The following PHF20 variants were observed in gnomAD, a reference collection of about 807,000 sequenced individuals.
PHF20 encodes the protein glioma-expressed antigen 2.
A neutral mutation model predicts 113.5 loss-of-function variants in PHF20; 23 were observed. The ratio of observed to expected loss-of-function variants is 0.20; its 90% CI spans 0.15 to 0.29. The LOEUF (loss-of-function observed/expected upper bound fraction) is 0.29. Among genes scored for constraint, PHF20 ranks in the 10% least tolerant of loss-of-function variants. The probability of loss-of-function intolerance (pLI) is 1.00; values close to 1 mark genes in which losing one functional copy is unlikely to be tolerated. For synonymous variants in PHF20, 434 were observed against 457.3 expected (o/e 0.95, Z 0.65); for missense variants, 943 against 1,219.6 (o/e 0.77, Z 3.38).
At chr20:35,806,223 C>T (rs2041879079) in intron 2 of PHF20, among the ~76,000 whole-genome samples, 1 of 137,246 alleles carries the variant, frequency 7.3e-6, no homozygotes, top group African/African-American at 2.8e-5. Flanking sequence ...TGTAGTGGTG[C>T]AGTTACAACT....
At position 35,842,781 on chromosome 20, in the gene PHF20, G is replaced by C. The variant is rs750917729; in HGVS notation, c.255+37G>C. 10 of 1,581,918 alleles carry C rather than the reference G, an allele frequency of 6.3e-6. No homozygotes were observed. In the East Asian group the frequency reaches 2.2e-4, roughly 35 times the overall value. ...ATCTGGGAAGTTCTGTAGTATGCAAGGTCAGCCATTGGGCTGTTTGTGTTT... is the reference window on the plus strand; with the variant it reads ...ATCTGGGAAGTTCTGTAGTATGCAACGTCAGCCATTGGGCTGTTTGTGTTT... On this transcript the variant is annotated intron_variant, in intron 3 of 17. Coordinates refer to ENST00000374012, the MANE Select transcript of PHF20 (RefSeq NM_016436.5).
At position 35,836,187 on chromosome 20, in the gene PHF20, A is replaced by AC. The variant is rs1359111794; in HGVS notation, c.84-6385dup. On this transcript the variant is annotated intron_variant, in intron 2 of 17. Coordinates refer to ENST00000374012, the MANE Select transcript of PHF20 (RefSeq NM_016436.5). ...CTACTCATAGCAAATTTTTTTTTTA[A>AC]CTTTTTTTTTTTAGAGATGGGGTCT... Among the ~76,000 whole-genome samples the AC allele has an allele frequency of 3.3e-5, 5 of 150,828 alleles. No homozygotes were observed. In the East Asian group the frequency reaches 9.7e-4, roughly 29 times the overall value.
Position 35,940,975 on chromosome 20 carries a change from C to T in PHF20, c.2824C>T (p.Leu942=). 1 of 1,614,194 alleles carries T rather than the reference C, an allele frequency of 6.2e-7. No homozygotes were observed. The change falls in exon 17 of 18, where the codon CTG becomes TTG. Residue 942 remains leucine, a synonymous_variant. Transcript: ENST00000374012. ...LSSQHQWQFN[L]LTHVESLQDE... ...CTCCCAGCACCAGTGGCAGTTTAAC[C>T]TGCTGACCCATGTGGAATCTCTTCA...
intron 15 of PHF20, among the ~76,000 whole-genome samples, chr20:35,937,912 C>T (rs1323833319): frequency 6.6e-6 from 1 of 151,950 alleles, no homozygotes; most frequent in Non-Finnish European, 1.5e-5. Context: ...CTTGCTGTCG[C>T]CCAGGCTGGA....
At chr20:35,888,835 C>T (rs528848148) in intron 9 of PHF20, among the ~76,000 whole-genome samples, 2 of 151,248 alleles carry the variant, frequency 1.3e-5, no homozygotes, top group South Asian at 2.1e-4. Flanking sequence ...TGACAAGAAC[C>T]ATATTAGTAT....
At chr20:35,858,553 T>C (rs2042879590) in intron 5 of PHF20, among the ~76,000 whole-genome samples, 172 bp downstream of exon 5, 1 of 152,220 alleles carries the variant, frequency 6.6e-6, no homozygotes, top group African/African-American at 2.4e-5. Context: ...AATATTTGTC[T>C]CTTTGCTGTT....
At chr20:35,911,911 G>A (rs1235544764) in intron 10 of PHF20, among the ~76,000 whole-genome samples, 1 of 151,898 alleles carries the variant, frequency 6.6e-6, no homozygotes, top group Non-Finnish European at 1.5e-5. Flanking sequence ...CACCTGCCTT[G>A]GCCTCCCAAA....
rs770576683 is a variant in PHF20, at chr20:35,809,578, C to CA, written c.83+7988dup. Among the ~76,000 whole-genome samples the CA allele has an allele frequency of 8.9e-3, 886 of 99,686 alleles. 5 individuals are homozygous for CA. Among genetic ancestry groups the CA allele is most frequent in the African/African-American group, 0.025 (663 of 26,284 alleles). The allele number at this position is 99,686 out of a possible 152,430, so 65.4% of individuals were successfully genotyped here. ...TGGGTGACAGAGCAAGACTTTGTCT[C>CA]AAAAAAAAAAAAAAAGATAATCCAG... On this transcript the variant is annotated intron_variant, in intron 2 of 17. Transcript: ENST00000374012.
chr20:35,891,372 A>G (rs2054851878), intron 9 of PHF20, among the ~76,000 whole-genome samples: 1 of 140,470 alleles, frequency 7.1e-6, no homozygotes, highest in Non-Finnish European at 1.5e-5. Context: ...GAGAGACTCT[A>G]TGTCAAAAAA....
In PHF20 at chr20:35,925,508, C is replaced by T. The variant is rs1298871707; in HGVS notation, c.2005-2272C>T. 3.9e-5 allele frequency among the ~76,000 whole-genome samples: 6 copies of T among 152,092 alleles called. No individual in the cohort carries two copies. The East Asian group carries it at 1.2e-3, about 30-fold the overall frequency. ...TGAACTTCTGACCTTAAGTGATCCC[C>T]CCGCCTCGGCCTCCCAAAGTGCTGG... On this transcript the variant is annotated intron_variant, in intron 13 of 17. Coordinates refer to ENST00000374012, the MANE Select transcript of PHF20 (RefSeq NM_016436.5).
At chr20:35,854,643 A>T (rs1395158810) in intron 4 of PHF20, among the ~76,000 whole-genome samples, 26 of 152,312 alleles carry the variant, frequency 1.7e-4, no homozygotes, top group African/African-American at 6.3e-4. Flanking sequence ...TTGGAAGTTA[A>T]AAGGATCAAA....
At chr20:35,831,142 T>A (rs1319946746) in intron 2 of PHF20, among the ~76,000 whole-genome samples, 1 of 148,364 alleles carries the variant, frequency 6.7e-6, no homozygotes, top group Non-Finnish European at 1.5e-5. Flanking sequence ...CCTCCCTCTC[T>A]TCCTCCCTCC....
chr20:35,796,696 A>G (rs761840033), intron 1 of PHF20, among the ~76,000 whole-genome samples: 1 of 152,192 alleles, frequency 6.6e-6, no homozygotes, highest in Non-Finnish European at 1.5e-5. Context: ...CCTGTATTCA[A>G]GTTATGTTTA....
chr20:35,932,834 A>T (rs1469735747), intron 15 of PHF20, among the ~76,000 whole-genome samples: 6 of 152,150 alleles, frequency 3.9e-5, no homozygotes, highest in African/African-American at 1.4e-4. Flanking sequence ...TATACCCTTT[A>T]CCAACAGCTC....
intron 4 of PHF20, among the ~76,000 whole-genome samples, chr20:35,856,986 CTGGCGG>C (rs2042840178): frequency 1.3e-5 from 2 of 152,078 alleles, no homozygotes; most frequent in Non-Finnish European, 2.9e-5. Flanking sequence ...CTGTTGAGGA[CTGGCGG>C]TGGAGGGGTG....
chr20:35,803,253 G>GA (rs200855143), intron 2 of PHF20, among the ~76,000 whole-genome samples: 418 of 128,196 alleles, frequency 3.3e-3, no homozygotes, highest in East Asian at 0.011. Context: ...CTCCGTCCCG[G>GA]AAAAAAAAAA....
chr20:35,943,577 A>AT (rs2056030407), intron 17 of PHF20, among the ~76,000 whole-genome samples: 1 of 149,964 alleles, frequency 6.7e-6, no homozygotes, highest in South Asian at 2.1e-4. Flanking sequence ...ATTGGCCATT[A>AT]TTTAATTATT....
intron 12 of PHF20, among the ~76,000 whole-genome samples, chr20:35,915,210 C>G (rs2055381280): frequency 6.6e-6 from 1 of 150,380 alleles, no homozygotes; most frequent in South Asian, 2.1e-4. Flanking sequence ...GTGTGTCCTG[C>G]TACAGGATGG....
intron 2 of PHF20, among the ~76,000 whole-genome samples, chr20:35,804,778 A>G (rs2041850613): frequency 6.6e-6 from 1 of 152,162 alleles, no homozygotes; most frequent in Admixed American, 6.5e-5. Flanking sequence ...TTGTGCACAT[A>G]CACAGACTTT....
Sources: allele counts gnomAD v4.1 joint callset (sites outside exome capture counted in the v4.1 genomes callset), GRCh38; gene constraint gnomAD v4.1.1; transcripts MANE v1.5; gene names NCBI Gene and HGNC (gene_info 2026-07-23, HGNC 2026-07-21).